Variants in GUCY1A2 observed in about 807,000 individuals in gnomAD.
GUCY1A2 encodes the protein guanylate cyclase soluble subunit alpha-2.
GUCY1A2 carries 27 observed loss-of-function variants against 63.5 expected under a neutral mutation model. The observed-to-expected ratio is 0.43, with a 90% CI of 0.31 to 0.59. The LOEUF (loss-of-function observed/expected upper bound fraction) is 0.59. GUCY1A2 is among the 20% of genes least tolerant of loss of function. The pLI, the probability that GUCY1A2 is intolerant of heterozygous loss-of-function variation, is 0.11. For synonymous variants in GUCY1A2, 364 were observed against 343.5 expected (o/e 1.06, Z -0.66); for missense variants, 768 against 913.3 (o/e 0.84, Z 2.05).
At chr11:107,013,383 CTCATT>C (rs1861774824) in intron 1 of GUCY1A2, among the ~76,000 whole-genome samples, 1 of 152,210 alleles carries the variant, frequency 6.6e-6, no homozygotes, top group Non-Finnish European at 1.5e-5. Flanking sequence ...CTAAGCAACT[CTCATT>C]TAAGAATAAA....
intron 3 of GUCY1A2, among the ~76,000 whole-genome samples, chr11:106,956,286 T>A (rs1268246811): frequency 6.6e-6 from 1 of 152,066 alleles, no homozygotes; most frequent in African/African-American, 2.4e-5. Context: ...CTTCTGTCAA[T>A]CCGTCCATCT....
chr11:106,934,058 G>C (rs893030695), intron 4 of GUCY1A2, among the ~76,000 whole-genome samples: 6 of 152,146 alleles, frequency 3.9e-5, no homozygotes, highest in African/African-American at 1.4e-4. Context: ...ATATACCCAC[G>C]TAACAAACCC....
In GUCY1A2 at chr11:106,917,799, G is replaced by A. The variant is rs1482827464; in HGVS notation, c.1206+21661C>T. On this transcript the variant is annotated intron_variant, in intron 4 of 7. Coordinates refer to ENST00000526355, the MANE Select transcript of GUCY1A2 (RefSeq NM_000855.3). ...CACACACCGGGGCCTGTTGTGGGGTGGGGGGAGGGGGGAGGGATGGCACTG... is the reference window on the plus strand; with the variant it reads ...CACACACCGGGGCCTGTTGTGGGGTAGGGGGAGGGGGGAGGGATGGCACTG... Among the ~76,000 whole-genome samples, 7 of 101,658 alleles carry A rather than the reference G, an allele frequency of 6.9e-5. 1 individual carries two copies. The highest frequency in any genetic ancestry group is 1.1e-4 in the Non-Finnish European group (5 of 46,792). The allele number at this position is 101,658 out of a possible 152,430, so 66.7% of individuals were successfully genotyped here.
Position 106,935,184 on chromosome 11 carries a change from A to G in GUCY1A2, c.1206+4276T>C, listed in dbSNP as rs570271333. Among the ~76,000 whole-genome samples the G allele has an allele frequency of 2.4e-4, 36 of 152,308 alleles. No individual in the cohort carries two copies. In the South Asian group the frequency reaches 7.3e-3, roughly 31 times the overall value. On this transcript the variant is annotated intron_variant, in intron 4 of 7. Transcript: ENST00000526355. ...TTTAGGAAGATGTTAGGTGAGCTCA[A>G]TATTTCTCTAAAATTATCAAACCTA... is the stretch of plus-strand genomic sequence containing the variant.
chr11:106,782,559 G>A (rs1864483861), intron 5 of GUCY1A2, among the ~76,000 whole-genome samples: 2 of 152,084 alleles, frequency 1.3e-5, no homozygotes, highest in South Asian at 2.1e-4. Flanking sequence ...AGAGAACTGG[G>A]CCACACCTGC....
intron 4 of GUCY1A2, among the ~76,000 whole-genome samples, chr11:106,848,642 A>G (rs1859310679): frequency 1.3e-5 from 2 of 151,806 alleles, no homozygotes; most frequent in South Asian, 4.1e-4. Context: ...ATGGAAAAGT[A>G]CCAAAACTGT....
At position 106,838,810 on chromosome 11, in the gene GUCY1A2, T is replaced by C. The variant is rs548701840; in HGVS notation, c.1207-28332A>G. 6.6e-5 allele frequency among the ~76,000 whole-genome samples: 10 copies of C among 152,102 alleles called. No homozygotes were observed. The South Asian group carries it at 1.2e-3, about 19-fold the overall frequency. On this transcript the variant is annotated intron_variant, in intron 4 of 7. Transcript: ENST00000526355. ...GAAGTGTCTGTTCATATCCTTCGCCTACTTTTTGATGGGGTTGTTTTTTTC... is the reference window on the plus strand; with the variant it reads ...GAAGTGTCTGTTCATATCCTTCGCCCACTTTTTGATGGGGTTGTTTTTTTC...
chr11:106,711,860 G>T (rs1214241766), intron 6 of GUCY1A2, among the ~76,000 whole-genome samples: 1 of 152,126 alleles, frequency 6.6e-6, no homozygotes, highest in Non-Finnish European at 1.5e-5. Flanking sequence ...TAAAGATGCT[G>T]CTCCACTGGC....
chr11:106,993,445 G>T, intron 1 of GUCY1A2, among the ~76,000 whole-genome samples: 1 of 152,042 alleles, frequency 6.6e-6, no homozygotes, highest in East Asian at 1.9e-4. Context: ...AGAGGTAATT[G>T]TGTAGTCATC....
chr11:106,878,655 T>A (rs1319283731), intron 4 of GUCY1A2, among the ~76,000 whole-genome samples: 1 of 151,206 alleles, frequency 6.6e-6, no homozygotes, highest in Non-Finnish European at 1.5e-5. Context: ...AGGGAGAGGA[T>A]CTGGAAAAAT....
At chr11:106,907,915 T>C (rs1002044930) in intron 4 of GUCY1A2, among the ~76,000 whole-genome samples, 1 of 152,138 alleles carries the variant, frequency 6.6e-6, no homozygotes, top group Non-Finnish European at 1.5e-5. Context: ...TGTAAGTTTA[T>C]CCACACAATC....
At chr11:106,901,587 G>A (rs754586968) in intron 4 of GUCY1A2, among the ~76,000 whole-genome samples, 11 of 152,104 alleles carry the variant, frequency 7.2e-5, no homozygotes, top group South Asian at 6.2e-4. Flanking sequence ...TTGGTGTGCT[G>A]CACCCATTAA....
At chr11:106,918,931 C>A (rs1195935196) in intron 4 of GUCY1A2, among the ~76,000 whole-genome samples, 1 of 152,078 alleles carries the variant, frequency 6.6e-6, no homozygotes, top group African/African-American at 2.4e-5. Flanking sequence ...GATATTTAAC[C>A]TAAATTCGAT....
At chr11:106,882,834 CATA>C (rs1405728426) in intron 4 of GUCY1A2, among the ~76,000 whole-genome samples, 1 of 151,978 alleles carries the variant, frequency 6.6e-6, no homozygotes, top group Non-Finnish European at 1.5e-5. Context: ...AGTCAACTTA[CATA>C]ATAATTAGAG....
chr11:106,713,178 G>C (rs1423346526), intron 6 of GUCY1A2, among the ~76,000 whole-genome samples: 1 of 152,106 alleles, frequency 6.6e-6, no homozygotes, highest in Non-Finnish European at 1.5e-5. Flanking sequence ...TATCTCTCAG[G>C]AATCACTATC....
intron 6 of GUCY1A2, among the ~76,000 whole-genome samples, chr11:106,731,366 G>C (rs965237305): frequency 7.2e-5 from 11 of 152,102 alleles, no homozygotes; most frequent in African/African-American, 2.7e-4. Flanking sequence ...CAACAAGCTA[G>C]GCATTGAATG....
At chr11:106,778,317 TTC>T (rs1381129550) in intron 5 of GUCY1A2, among the ~76,000 whole-genome samples, 1 of 152,238 alleles carries the variant, frequency 6.6e-6, no homozygotes, top group Non-Finnish European at 1.5e-5. Context: ...CCTTTCTTTA[TTC>T]TGTTTCCACA....
chr11:106,790,348 T>A (rs1019753231), intron 5 of GUCY1A2, among the ~76,000 whole-genome samples: 1 of 150,050 alleles, frequency 6.7e-6, no homozygotes, highest in Non-Finnish European at 1.5e-5. Flanking sequence ...TCAGTCCACT[T>A]GCGTGAATGC....
chr11:106,807,390 C>T (rs1858704210), intron 5 of GUCY1A2, among the ~76,000 whole-genome samples: 3 of 152,136 alleles, frequency 2.0e-5, no homozygotes, highest in African/African-American at 7.2e-5. Flanking sequence ...TATATCCCTC[C>T]TAATGCATTT....
Sources: gnomAD v4.1 joint callset for allele counts (sites outside exome capture counted in the v4.1 genomes callset) on GRCh38, gnomAD v4.1.1 for gene constraint, MANE v1.5 for transcripts, NCBI Gene and HGNC (gene_info 2026-07-23, HGNC 2026-07-21) for gene names.